The following KLK6 variants were observed in gnomAD, a reference collection of about 807,000 sequenced individuals.
KLK6 encodes the protein kallikrein-6.
Under a neutral mutation model 21.7 loss-of-function variants are expected in KLK6, and 16 were observed. That is an observed-to-expected ratio of 0.74 (90% CI 0.50 to 1.12). The LOEUF (loss-of-function observed/expected upper bound fraction) is 1.12. Ranked by LOEUF, KLK6 falls within the 50% of genes most tolerant of loss-of-function variation. KLK6 has a pLI of 0.00. For missense variants in KLK6, 276 were observed against 304.6 expected (o/e 0.91, Z 0.70); for synonymous variants, 116 against 120.1 (o/e 0.97, Z 0.22).
At chr19:50,960,056 G>C (rs1263631119) in intron 6 of KLK6, among the ~76,000 whole-genome samples, 14 of 74,156 alleles carry the variant, frequency 1.9e-4, no homozygotes, top group African/African-American at 5.5e-4. Context: ...AGGAGGGAGA[G>C]GAGGGGGGAG....
chr19:50,958,811 C>T lies in KLK6; in HGVS notation c.*353G>A, dbSNP rs1405774735. ...AGAAAGGTACATCCCAAGGGGACAC[C>T]GACAGTAAGCAGCGGAGCTGGGATT... On this transcript the variant is annotated 3_prime_UTR_variant, in exon 7 of 7. Transcript: ENST00000310157. 2.7e-5 allele frequency: 8 copies of T among 291,712 alleles called. No homozygotes were observed. Among genetic ancestry groups the T allele is most frequent in the African/African-American group, 8.6e-5 (4 of 46,582 alleles). The allele number at this position is 291,712 out of a possible 1,614,324, so 18.1% of individuals were successfully genotyped here. A position where few individuals can be genotyped will look rare whatever the true frequency, so the allele number is the denominator to read the frequency against.
intron 4 of KLK6, among the ~76,000 whole-genome samples, chr19:50,965,809 A>C (rs1023146156): frequency 1.3e-5 from 2 of 152,172 alleles, no homozygotes; most frequent in East Asian, 3.9e-4. Context: ...CCTGCACCTC[A>C]GTTTCCTCAT....
intron 6 of KLK6, among the ~76,000 whole-genome samples, chr19:50,960,971 G>T (rs1033776701): frequency 6.6e-6 from 1 of 152,158 alleles, no homozygotes; most frequent in Non-Finnish European, 1.5e-5. Context: ...TCCCCATATC[G>T]GCCAGGCTGG....
chr19:50,961,622 G>T (rs2090841236), intron 6 of KLK6, 122 bp downstream of exon 6: 2 of 1,194,510 alleles, frequency 1.7e-6, no homozygotes, highest in African/African-American at 1.5e-5. Flanking sequence ...CCCTCAGCCT[G>T]TCTCTATCTG....
intron 4 of KLK6, among the ~76,000 whole-genome samples, chr19:50,966,375 C>T (rs1184651246): frequency 6.6e-6 from 1 of 152,208 alleles, no homozygotes; most frequent in Non-Finnish European, 1.5e-5. Flanking sequence ...ATCCCTCCAT[C>T]CCCACTGCGA....
chr19:50,965,303 T>A (rs544612978), intron 4 of KLK6, among the ~76,000 whole-genome samples: 2 of 148,096 alleles, frequency 1.4e-5, no homozygotes, highest in African/African-American at 2.5e-5. Flanking sequence ...TTTTTTTTTT[T>A]AGACAGAGTC....
intron 1 of KLK6, among the ~76,000 whole-genome samples, 164 bp downstream of exon 1, chr19:50,969,326 A>G (rs1568543200): frequency 6.6e-6 from 1 of 151,926 alleles, no homozygotes; most frequent in Non-Finnish European, 1.5e-5. Flanking sequence ...TCTGAAGACA[A>G]ATTCCGGCCT....
Position 50,968,600 on chromosome 19 carries a change from C to A in KLK6, c.-59-9G>T. 1 of 171,044 alleles carries A rather than the reference C, an allele frequency of 5.8e-6. No homozygotes were observed. The highest frequency in any genetic ancestry group is 1.2e-5 in the Non-Finnish European group (1 of 80,208). 10.6% of individuals were successfully genotyped at this position (171,044 alleles called of 1,614,324 possible). A position where few individuals can be genotyped will look rare whatever the true frequency, so the allele number is the denominator to read the frequency against. ...GTCGGGGGAAGGAACAGCTTTGAGACGAGGAGGCAGAAAGAGTTAGAAATG... is the reference window on the plus strand; with the variant it reads ...GTCGGGGGAAGGAACAGCTTTGAGAAGAGGAGGCAGAAAGAGTTAGAAATG... On this transcript the variant is annotated splice_polypyrimidine_tract_variant and intron_variant, in intron 1 of 6. Coordinates refer to ENST00000310157, the MANE Select transcript of KLK6 (RefSeq NM_002774.4).
intron 5 of KLK6, chr19:50,962,916 T>C: frequency 4.5e-6 from 1 of 222,342 alleles, no homozygotes. Context: ...GCTTTATTGG[T>C]TTCTCTTCTT....
At chr19:50,965,740 T>A (rs1026802793) in intron 4 of KLK6, among the ~76,000 whole-genome samples, 1 of 152,176 alleles carries the variant, frequency 6.6e-6, no homozygotes, top group African/African-American at 2.4e-5. Flanking sequence ...GTGGTGAGAG[T>A]CATCCAAGGT....
chr19:50,965,181 C>T (rs1289532400), intron 4 of KLK6, among the ~76,000 whole-genome samples: 1 of 152,110 alleles, frequency 6.6e-6, no homozygotes, highest in African/African-American at 2.4e-5. Flanking sequence ...CAGCTCACTG[C>T]AGCTTTGTAC....
intron 2 of KLK6, 121 bp downstream of exon 2, chr19:50,968,420 G>C (rs116460485): frequency 1.8e-4 from 82 of 458,368 alleles, no homozygotes; most frequent in Middle Eastern, 1.3e-3. Context: ...ACAGGAGAGG[G>C]TTACCCTAGG....
intron 6 of KLK6, 134 bp downstream of exon 6, chr19:50,961,608 TTC>T: frequency 3.0e-6 from 3 of 1,002,262 alleles, no homozygotes; most frequent in Non-Finnish European, 4.3e-6. Flanking sequence ...AAGGCTTGGG[TTC>T]TCCCTCAGCC....
At chr19:50,968,852 C>T (rs889080632) in intron 1 of KLK6, 31 of 153,164 alleles carry the variant, frequency 2.0e-4, no homozygotes, top group Non-Finnish European at 3.6e-4. Flanking sequence ...TTCCTCCTTA[C>T]CCAGGCCTCC....
At chr19:50,967,955 C>A (rs1482444349) in intron 3 of KLK6, 110 bp downstream of exon 3, 2 of 933,242 alleles carry the variant, frequency 2.1e-6, no homozygotes, top group East Asian at 5.1e-5. Context: ...CATTTCAAAG[C>A]TCCCCCACCC....
Position 50,963,431 on chromosome 19 carries a change from C to T in KLK6, c.316G>A (p.Asp106Asn). Residue 106 changes from aspartate to asparagine, a missense_variant, in exon 5 of 7, where the codon GAC becomes AAC. Transcript: ENST00000310157. ...PDYDAASHDQ[D>N]IMLLRLARPA... The stretch of plus-strand genomic sequence containing the variant: ...CGTGCCAGGCGCAACAGCATGATGT[C>T]CTGGTCATGGCTGGCGGCATCATAG... 1 of 1,614,234 alleles carries T rather than the reference C, an allele frequency of 6.2e-7. No individual in the cohort carries two copies. Among genetic ancestry groups the T allele is most frequent in the Non-Finnish European group, 8.5e-7 (1 of 1,180,046 alleles).
intron 1 of KLK6, 33 bp from the exon 2 acceptor site, chr19:50,968,624 TGCGGGGA>T (rs1568542555): frequency 5.9e-6 from 1 of 169,338 alleles, no homozygotes; most frequent in Non-Finnish European, 1.3e-5. Context: ...GAGTTAGAAA[TGCGGGGA>T]GCCGTGAGGA....
In KLK6 at chr19:50,968,114, T is replaced by A; in HGVS notation, c.-8-2A>T. 1 of 1,613,960 alleles carries A rather than the reference T, an allele frequency of 6.2e-7. No homozygotes were observed. The highest frequency in any genetic ancestry group is 8.5e-7 in the Non-Finnish European group (1 of 1,179,876). Reference sequence around the variant, plus strand: ...CCATCAGCTTCTTCATGGCCGCTCCTGAGAGGGGAAGCCACATGGTCCATT... The same window carrying A: ...CCATCAGCTTCTTCATGGCCGCTCCAGAGAGGGGAAGCCACATGGTCCATT... On this transcript the variant is annotated splice_acceptor_variant, in intron 2 of 6. Coordinates refer to ENST00000310157, the MANE Select transcript of KLK6 (RefSeq NM_002774.4). LOFTEE classifies it low-confidence loss of function (5UTR_SPLICE).
At chr19:50,963,158 T>C (rs1399173311) in intron 5 of KLK6, 144 bp downstream of exon 5, 2 of 1,195,556 alleles carry the variant, frequency 1.7e-6, no homozygotes, top group Non-Finnish European at 2.3e-6. Flanking sequence ...CCCTTGACCT[T>C]TCTCCCATTG....
Sources: allele counts gnomAD v4.1 joint callset (sites outside exome capture counted in the v4.1 genomes callset), GRCh38; gene constraint gnomAD v4.1.1; transcripts MANE v1.5; gene names NCBI Gene and HGNC (gene_info 2026-07-23, HGNC 2026-07-21).